The following GPC5 variants were observed in gnomAD, a reference collection of about 807,000 sequenced individuals.
GPC5 encodes glypican-5.
GPC5 carries 47 observed loss-of-function variants against 53.9 expected under a neutral mutation model. That is an observed-to-expected ratio of 0.87 (90% CI 0.69 to 1.11). The LOEUF (loss-of-function observed/expected upper bound fraction) is 1.11. Among genes scored for constraint, GPC5 ranks in the 50% most tolerant of loss-of-function variants. The probability of loss-of-function intolerance (pLI) is 0.00; values close to 1 mark genes in which losing one functional copy is unlikely to be tolerated. For missense variants in GPC5, 748 were observed against 713.1 expected, an observed-to-expected ratio of 1.05 and a Z score of -0.56; for synonymous variants, 286 against 263.3, an observed-to-expected ratio of 1.09 and a Z score of -0.84.
chr13:92,194,286 C>T (rs527526066), intron 7 of GPC5, among the ~76,000 whole-genome samples: 22 of 152,130 alleles, frequency 1.4e-4, no homozygotes, highest in Admixed American at 3.9e-4. Flanking sequence ...ATAGTGAGTA[C>T]CTCCGACTCC....
At chr13:91,884,879 G>T (rs2039305461) in intron 5 of GPC5, among the ~76,000 whole-genome samples, 1 of 152,028 alleles carries the variant, frequency 6.6e-6, no homozygotes, top group Non-Finnish European at 1.5e-5. Context: ...GAAACCTTCT[G>T]TATCCTTTAT....
At chr13:91,610,706 A>G (rs983038842) in intron 2 of GPC5, among the ~76,000 whole-genome samples, 11 of 152,236 alleles carry the variant, frequency 7.2e-5, no homozygotes, top group African/African-American at 2.7e-4. Flanking sequence ...ATGATTAAGT[A>G]TCATCCCAAA....
intron 7 of GPC5, among the ~76,000 whole-genome samples, chr13:92,582,964 T>C (rs941235543): frequency 2.0e-5 from 3 of 152,178 alleles, no homozygotes; most frequent in Non-Finnish European, 4.4e-5. Flanking sequence ...TTCCTTCCTA[T>C]TTGGACACCT....
At chr13:92,288,115 A>C (rs1381107284) in intron 7 of GPC5, among the ~76,000 whole-genome samples, 1 of 151,566 alleles carries the variant, frequency 6.6e-6, no homozygotes, top group Non-Finnish European at 1.5e-5. Flanking sequence ...TTAAATCCCT[A>C]TCTGTTTGTT....
intron 7 of GPC5, among the ~76,000 whole-genome samples, chr13:92,227,181 G>A (rs985607230): frequency 4.6e-5 from 7 of 152,294 alleles, no homozygotes; most frequent in South Asian, 2.1e-4. Context: ...TACCAAAGTG[G>A]AGGGTGAAAG....
chr13:92,787,876 C>CA (rs11346705), intron 7 of GPC5, among the ~76,000 whole-genome samples: 30,741 of 85,740 alleles, frequency 0.36, 4,028 homozygotes, highest in East Asian at 0.53. Flanking sequence ...GACCCTGTCT[C>CA]AAAAAAAAAA....
intron 5 of GPC5, among the ~76,000 whole-genome samples, chr13:91,890,842 A>T (rs1235746372): frequency 6.6e-6 from 1 of 152,204 alleles, no homozygotes; most frequent in Non-Finnish European, 1.5e-5. Flanking sequence ...CATTAAGAGG[A>T]GTAGAAGTCT....
Position 92,424,795 on chromosome 13 carries a change from C to T in GPC5, c.1561+279806C>T, listed in dbSNP as rs559489664. On this transcript the variant is annotated intron_variant, in intron 7 of 7. Coordinates refer to ENST00000377067, the MANE Select transcript of GPC5 (RefSeq NM_004466.6). ...TTCACTGTCATTTCTATAGTTGACA[C>T]AAATCAATATTCATCTATTCATTCA... Among the ~76,000 whole-genome samples, 10 of 151,700 alleles carry T rather than the reference C, an allele frequency of 6.6e-5. No individual in the cohort carries two copies. The South Asian group carries it at 1.2e-3, about 19-fold the overall frequency.
chr13:92,036,198 T>C (rs562801944), intron 6 of GPC5, among the ~76,000 whole-genome samples: 1 of 152,342 alleles, frequency 6.6e-6, no homozygotes, highest in South Asian at 2.1e-4. Flanking sequence ...TGCTTATACA[T>C]CAAACAGTCT....
intron 7 of GPC5, among the ~76,000 whole-genome samples, chr13:92,396,268 A>AT (rs1215661100): frequency 6.6e-6 from 1 of 152,166 alleles, no homozygotes; most frequent in Non-Finnish European, 1.5e-5. Context: ...TTGTAAAGCC[A>AT]TGAAAGGCAT....
intron 7 of GPC5, among the ~76,000 whole-genome samples, chr13:92,234,078 T>C: frequency 6.6e-6 from 1 of 152,196 alleles, no homozygotes; most frequent in East Asian, 1.9e-4. Context: ...TCTGGGTTGG[T>C]TCCAAGTCTT....
At chr13:91,957,629 G>A (rs2040085997) in intron 6 of GPC5, among the ~76,000 whole-genome samples, 1 of 152,094 alleles carries the variant, frequency 6.6e-6, no homozygotes, top group African/African-American at 2.4e-5. Flanking sequence ...TACAGGTCAG[G>A]AGAGAATGGG....
At chr13:92,762,678 G>T (rs577299057) in intron 7 of GPC5, among the ~76,000 whole-genome samples, 34 of 151,960 alleles carry the variant, frequency 2.2e-4, no homozygotes, top group Non-Finnish European at 4.4e-4. Flanking sequence ...TTCCATCTTT[G>T]TCTCTTCTCA....
intron 7 of GPC5, among the ~76,000 whole-genome samples, chr13:92,838,743 A>T (rs375988727): frequency 6.6e-6 from 1 of 152,148 alleles, no homozygotes; most frequent in African/African-American, 2.4e-5. Flanking sequence ...ATATAAAAAG[A>T]TAGGGAATTT....
At chr13:92,010,899 C>G (rs1594722370) in intron 6 of GPC5, among the ~76,000 whole-genome samples, 1 of 152,110 alleles carries the variant, frequency 6.6e-6, no homozygotes, top group South Asian at 2.1e-4. Context: ...GTTATGGCAG[C>G]CTGAACAGAC....
chr13:92,379,708 G>A (rs145741897), intron 7 of GPC5, among the ~76,000 whole-genome samples: 18 of 150,874 alleles, frequency 1.2e-4, no homozygotes, highest in Middle Eastern at 6.9e-3. Context: ...TTTGTTCCTC[G>A]CTGTGCCCTC....
intron 7 of GPC5, among the ~76,000 whole-genome samples, chr13:92,256,462 A>C (rs979737610): frequency 5.3e-5 from 8 of 152,116 alleles, no homozygotes; most frequent in Non-Finnish European, 8.8e-5. Flanking sequence ...GTCAGAGGTC[A>C]TCCAGAGTTA....
intron 2 of GPC5, among the ~76,000 whole-genome samples, chr13:91,631,358 T>G (rs544584409): frequency 9.9e-5 from 15 of 152,254 alleles, no homozygotes; most frequent in African/African-American, 3.6e-4. Flanking sequence ...GTTTTTGTAC[T>G]GGCAGGTATA....
Position 92,381,880 on chromosome 13 carries a change from T to TATATGA in GPC5, c.1561+236891_1561+236892insATATGA, listed in dbSNP as rs1555331657. 5.3e-4 allele frequency among the ~76,000 whole-genome samples: 23 copies of TATATGA among 43,012 alleles called. No homozygotes were observed. The East Asian group carries it at 0.01, about 19-fold the overall frequency. The allele number at this position is 43,012 out of a possible 152,430, so 28.2% of individuals were successfully genotyped here. On this transcript the variant is annotated intron_variant, in intron 7 of 7. Coordinates refer to ENST00000377067, the MANE Select transcript of GPC5 (RefSeq NM_004466.6). ...ATGATTATATATATCATATATATGA[T>TATATGA]TATATATATTATATATAATCATATA...
Sources: gnomAD v4.1 joint callset for allele counts (sites outside exome capture counted in the v4.1 genomes callset) on GRCh38, gnomAD v4.1.1 for gene constraint, MANE v1.5 for transcripts, NCBI Gene and HGNC (gene_info 2026-07-23, HGNC 2026-07-21) for gene names.